Variants in ARHGAP15 observed in about 807,000 individuals in gnomAD.
The protein encoded by ARHGAP15 is Rho GTPase activating protein 15.
A neutral mutation model predicts 63.7 loss-of-function variants in ARHGAP15; 51 were observed. The ratio of observed to expected loss-of-function variants is 0.80; its 90% CI spans 0.64 to 1.01. The LOEUF (loss-of-function observed/expected upper bound fraction) is 1.01. Among genes scored for constraint, ARHGAP15 ranks in the 50% least tolerant of loss-of-function variants. The pLI, the probability that ARHGAP15 is intolerant of heterozygous loss-of-function variation, is 0.00. For synonymous variants in ARHGAP15, 191 were observed against 193.8 expected (o/e 0.99, Z 0.12); for missense variants, 560 against 564.6 (o/e 0.99, Z 0.08).
At chr2:143,272,949 A>G (rs894870681) in intron 6 of ARHGAP15, among the ~76,000 whole-genome samples, 1 of 152,086 alleles carries the variant, frequency 6.6e-6, no homozygotes, top group Non-Finnish European at 1.5e-5. Context: ...TGGCATTGTC[A>G]TCTCCAAGTT....
chr2:143,318,330 C>T (rs113766727), intron 6 of ARHGAP15, among the ~76,000 whole-genome samples: 5 of 151,890 alleles, frequency 3.3e-5, no homozygotes, highest in Non-Finnish European at 5.9e-5. Context: ...ACAGTCAGAA[C>T]GATAAGGGTA....
intron 12 of ARHGAP15, among the ~76,000 whole-genome samples, chr2:143,655,279 C>A (rs1375396115): frequency 2.0e-5 from 3 of 152,038 alleles, no homozygotes; most frequent in Non-Finnish European, 4.4e-5. Context: ...ACTCTTCCCC[C>A]CAAGTCCCCA....
chr2:143,239,990 CAAAAAAAAAAAA>C (rs60960176), intron 5 of ARHGAP15, among the ~76,000 whole-genome samples: 13 of 26,468 alleles, frequency 4.9e-4, no homozygotes, highest in Non-Finnish European at 6.9e-4. Context: ...GACTCTGTCT[CAAAAAAAAAAAA>C]AAAAAAAAAA....
chr2:143,738,811 C>T (rs926708220), intron 13 of ARHGAP15, among the ~76,000 whole-genome samples: 6 of 152,128 alleles, frequency 3.9e-5, no homozygotes, highest in Non-Finnish European at 7.4e-5. Context: ...TCCTTAACGC[C>T]AGGTTAAATG....
chr2:143,416,218 T>A lies in ARHGAP15; in HGVS notation c.475-19383T>A, dbSNP rs570913639. 6.6e-5 allele frequency among the ~76,000 whole-genome samples: 10 copies of A among 151,460 alleles called. No individual in the cohort carries two copies. In the East Asian group the frequency reaches 1.6e-3, roughly 24 times the overall value. On this transcript the variant is annotated intron_variant, in intron 6 of 13. Transcript: ENST00000295095. ...TTTACCTATGTAACAAACATGCACA[T>A]CCTTCACATGTACCCTGGAACTTAA... is the stretch of plus-strand genomic sequence containing the variant.
intron 6 of ARHGAP15, among the ~76,000 whole-genome samples, chr2:143,326,384 C>T (rs1684250403): frequency 1.3e-5 from 2 of 152,032 alleles, no homozygotes; most frequent in African/African-American, 4.8e-5. Flanking sequence ...AATAACTTAC[C>T]AAAAGTCACA....
chr2:143,642,769 A>C (rs1245643372), intron 12 of ARHGAP15, among the ~76,000 whole-genome samples: 2 of 152,150 alleles, frequency 1.3e-5, no homozygotes, highest in African/African-American at 4.8e-5. Flanking sequence ...TGAAGGAGGC[A>C]TTAAGAGTAT....
intron 6 of ARHGAP15, among the ~76,000 whole-genome samples, chr2:143,307,141 T>C (rs1399866867): frequency 6.6e-6 from 1 of 152,108 alleles, no homozygotes; most frequent in African/African-American, 2.4e-5. Context: ...TGCTTCTATT[T>C]TGAGCCCTTT....
intron 6 of ARHGAP15, among the ~76,000 whole-genome samples, chr2:143,301,156 C>T (rs1682877544): frequency 6.6e-6 from 1 of 151,760 alleles, no homozygotes; most frequent in Non-Finnish European, 1.5e-5. Context: ...ATCTAATACC[C>T]AAACACCAAG....
In ARHGAP15 at chr2:143,598,941, A is replaced by T. The variant is rs560995101; in HGVS notation, c.1004-25192A>T. ...AAAAATAAGTTGGTTTTTTTTTTTTAAAAAAAACTAAGTTTTATTTTATTT... is the reference window on the plus strand; with the variant it reads ...AAAAATAAGTTGGTTTTTTTTTTTTTAAAAAAACTAAGTTTTATTTTATTT... On this transcript the variant is annotated intron_variant, in intron 11 of 13. Transcript: ENST00000295095. Among the ~76,000 whole-genome samples, 1,290 of 146,190 alleles carry T rather than the reference A, an allele frequency of 8.8e-3. 11 individuals carry two copies. The highest frequency in any genetic ancestry group is 0.035 in the Middle Eastern group (10 of 286).
At chr2:143,603,434 G>A (rs1399628330) in intron 11 of ARHGAP15, among the ~76,000 whole-genome samples, 1 of 152,208 alleles carries the variant, frequency 6.6e-6, no homozygotes, top group Non-Finnish European at 1.5e-5. Flanking sequence ...CACCTGTAGA[G>A]AAAGTCAAAT....
At chr2:143,316,187 T>A (rs959035106) in intron 6 of ARHGAP15, among the ~76,000 whole-genome samples, 1 of 152,148 alleles carries the variant, frequency 6.6e-6, no homozygotes, top group Admixed American at 6.5e-5. Flanking sequence ...AATCAGACTT[T>A]CCTCCTAGTT....
intron 6 of ARHGAP15, among the ~76,000 whole-genome samples, chr2:143,321,629 C>T (rs188474571): frequency 6.6e-6 from 1 of 152,192 alleles, no homozygotes; most frequent in Non-Finnish European, 1.5e-5. Flanking sequence ...GGGCCTGGGC[C>T]CCATAATCTG....
intron 2 of ARHGAP15, among the ~76,000 whole-genome samples, chr2:143,160,664 C>T (rs1690256820): frequency 6.6e-6 from 1 of 151,910 alleles, no homozygotes; most frequent in South Asian, 2.1e-4. Flanking sequence ...TGCAGACATG[C>T]TGTAGAACAG....
chr2:143,625,495 T>TTGA (rs1383844683), intron 12 of ARHGAP15, among the ~76,000 whole-genome samples: 3 of 152,078 alleles, frequency 2.0e-5, no homozygotes, highest in African/African-American at 7.2e-5. Flanking sequence ...GCTGCTGTTG[T>TTGA]TGAATGCAGT....
chr2:143,661,132 T>C (rs984576820), intron 12 of ARHGAP15, among the ~76,000 whole-genome samples: 1 of 152,230 alleles, frequency 6.6e-6, no homozygotes, highest in East Asian at 1.9e-4. Flanking sequence ...TGTCTCTCAC[T>C]GACCACAACA....
chr2:143,134,886 C>G (rs1417562245), intron 1 of ARHGAP15, among the ~76,000 whole-genome samples: 1 of 151,944 alleles, frequency 6.6e-6, no homozygotes, highest in Non-Finnish European at 1.5e-5. Context: ...ATCTGCCCAC[C>G]TTGACCTCCC....
intron 11 of ARHGAP15, among the ~76,000 whole-genome samples, chr2:143,565,950 A>G (rs1371453956): frequency 2.0e-5 from 3 of 152,188 alleles, no homozygotes; most frequent in Non-Finnish European, 1.5e-5. Flanking sequence ...AGTGACTCAC[A>G]TATATTTATA....
intron 6 of ARHGAP15, among the ~76,000 whole-genome samples, chr2:143,377,423 AAAAAT>A (rs1485060831): frequency 2.6e-5 from 4 of 151,910 alleles, no homozygotes; most frequent in Non-Finnish European, 4.4e-5. Flanking sequence ...GAAAAATTGA[AAAAAT>A]AAAATAATAA....
Sources: allele counts gnomAD v4.1 joint callset (sites outside exome capture counted in the v4.1 genomes callset), GRCh38; gene constraint gnomAD v4.1.1; transcripts MANE v1.5; gene names NCBI Gene and HGNC (gene_info 2026-07-23, HGNC 2026-07-21).